RNF38: variants seen among roughly 807,000 people sequenced by gnomAD.
RNF38 encodes ring finger protein 38, also known as E3 ubiquitin-protein ligase RNF38.
RNF38 carries 15 observed loss-of-function variants against 67.2 expected under a neutral mutation model. The observed-to-expected ratio is 0.22, with a 90% CI of 0.15 to 0.34. The LOEUF (loss-of-function observed/expected upper bound fraction) is 0.34, where lower values mean the gene tolerates loss of function less well. Among genes scored for constraint, RNF38 ranks in the 10% least tolerant of loss-of-function variants. The probability of loss-of-function intolerance (pLI) is 1.00; values close to 1 mark genes in which losing one functional copy is unlikely to be tolerated. For synonymous variants in RNF38, 220 were observed against 218.8 expected (o/e 1.01, Z -0.05); for missense variants, 524 against 639.9 (o/e 0.82, Z 1.95).
chr9:36,342,170 T>C (rs530134783), intron 11 of RNF38, among the ~76,000 whole-genome samples, 155 bp downstream of exon 11: 85 of 30,354 alleles, frequency 2.8e-3, no homozygotes, highest in Admixed American at 0.011. Context: ...TGCAGTTAAT[T>C]TTTACTGGCC....
In RNF38 at chr9:36,441,142, T is replaced by C. The variant is rs1282574679; in HGVS notation, n.242-16459A>G. ...AGAAAAAGCTCAATGGAAAAGAACA[T>C]ACCTTTTTCTATTTTGTAATGTACT... is the stretch of plus-strand genomic sequence containing the variant. On this transcript the variant is annotated intron_variant and non_coding_transcript_variant, in intron 1 of 3. Coordinates refer to the RNF38 transcript ENST00000488058. 2.0e-5 allele frequency among the ~76,000 whole-genome samples: 3 copies of C among 152,086 alleles called. No individual in the cohort carries two copies. In the East Asian group the frequency reaches 5.8e-4, roughly 29 times the overall value.
At chr9:36,361,298 C>G (rs531134228) in intron 4 of RNF38, among the ~76,000 whole-genome samples, 5 of 151,940 alleles carry the variant, frequency 3.3e-5, no homozygotes, top group African/African-American at 9.7e-5. Flanking sequence ...ACTACAGGTG[C>G]CTGCCACCAT....
intron 2 of RNF38, among the ~76,000 whole-genome samples, chr9:36,412,843 C>T (rs950905336): frequency 1.3e-5 from 2 of 151,874 alleles, no homozygotes; most frequent in Admixed American, 6.6e-5. Context: ...GAGGCCAAGG[C>T]GGGTGGATCA....
intron 11 of RNF38, among the ~76,000 whole-genome samples, chr9:36,340,505 T>C (rs1832759585): frequency 6.6e-6 from 1 of 152,164 alleles, no homozygotes; most frequent in South Asian, 2.1e-4. Flanking sequence ...TGCTTCAGCT[T>C]CCTGAAAACC....
At chr9:36,361,273 T>TCC (rs775145340) in intron 4 of RNF38, among the ~76,000 whole-genome samples, 3 of 152,028 alleles carry the variant, frequency 2.0e-5, no homozygotes, top group Admixed American at 6.6e-5. Context: ...TACCTCAGCC[T>TCC]CCCGAGTACC....
intron 1 of RNF38, among the ~76,000 whole-genome samples, chr9:36,455,114 C>A (rs1004028972): frequency 1.3e-5 from 2 of 151,300 alleles, no homozygotes; most frequent in Non-Finnish European, 2.9e-5. Flanking sequence ...GTGCAGAGTG[C>A]GGTGGTGCGA....
At chr9:36,429,214 T>G (rs1411370755) in intron 1 of RNF38, among the ~76,000 whole-genome samples, 1 of 152,224 alleles carries the variant, frequency 6.6e-6, no homozygotes, top group Non-Finnish European at 1.5e-5. Flanking sequence ...TGAAATGGAT[T>G]ATGATGAAAA....
Position 36,353,254 on chromosome 9 carries a change from T to C in RNF38, c.987A>G (p.Ser329=), listed in dbSNP as rs751894080. Residue 329 remains serine, a synonymous_variant, in exon 7 of 12, where the codon TCA becomes TCG. Transcript: ENST00000259605. The stretch of plus-strand genomic sequence containing the variant: ...ATGGAGGTAATGTTGGGGGGTGGGC[T>C]GATGGAGGGTAAGTAAAACCTCCTA... ...LPVGGFTYPP[S]AHPPTLPPSA... 4.3e-6 allele frequency: 7 copies of C among 1,613,296 alleles called. No homozygotes were observed. In the African/African-American group the frequency reaches 9.3e-5, roughly 22 times the overall value.
chr9:36,461,055 AAATAC>A (rs1447357553), intron 1 of RNF38, among the ~76,000 whole-genome samples: 1 of 152,146 alleles, frequency 6.6e-6, no homozygotes, highest in Admixed American at 6.6e-5. Flanking sequence ...ATCTACTAAA[AAATAC>A]AATAATTAGC....
chr9:36,451,492 T>G lies in RNF38; in HGVS notation n.242-26809A>C, dbSNP rs10972910. ...AAAGAAGAAAAAAAAATTGTAGTAG[T>G]TTTTTTTTTTTTTTTTTTTTTTTTT... On this transcript the variant is annotated intron_variant and non_coding_transcript_variant, in intron 1 of 3. Coordinates refer to the RNF38 transcript ENST00000488058. 3.2e-3 allele frequency among the ~76,000 whole-genome samples: 95 copies of G among 29,232 alleles called. 1 individual carries two copies. In the East Asian group the frequency reaches 0.17, roughly 53 times the overall value. The allele number at this position is 29,232 out of a possible 152,430, so 19.2% of individuals were successfully genotyped here.
At position 36,486,939 on chromosome 9, in the gene RNF38, T is replaced by C. The variant is rs763632211; in HGVS notation, n.241+369A>G. Among the ~76,000 whole-genome samples the C allele has an allele frequency of 7.3e-5, 11 of 151,658 alleles. 1 individual carries two copies. The Middle Eastern group carries it at 0.031, about 422-fold the overall frequency. Reference sequence around the variant, plus strand: ...TCGACCTCTTCCCAGCCCCCTCTGCTCGGGGCCCGCGCCGGCCCAGGGTGG... The same window carrying C: ...TCGACCTCTTCCCAGCCCCCTCTGCCCGGGGCCCGCGCCGGCCCAGGGTGG... On this transcript the variant is annotated intron_variant and non_coding_transcript_variant, in intron 1 of 3. Transcript: ENST00000488058.
chr9:36,434,678 C>T (rs532445375), intron 1 of RNF38, among the ~76,000 whole-genome samples: 1 of 152,132 alleles, frequency 6.6e-6, no homozygotes, highest in African/African-American at 2.4e-5. Flanking sequence ...CATGAGCCAC[C>T]GTGCCCAGCC....
intron 11 of RNF38, among the ~76,000 whole-genome samples, chr9:36,341,196 C>T (rs1832798017): frequency 6.6e-6 from 1 of 152,208 alleles, no homozygotes; most frequent in Admixed American, 6.5e-5. Flanking sequence ...CTCTTCCTCA[C>T]ATTCCAACTA....
chr9:36,368,097 G>A lies in RNF38; in HGVS notation c.570+1622C>T, dbSNP rs889681545. Among the ~76,000 whole-genome samples the A allele has an allele frequency of 7.2e-5, 11 of 152,232 alleles. No individual in the cohort carries two copies. In the East Asian group the frequency reaches 1.7e-3, roughly 24 times the overall value. ...CAAACTCCTGGGCCTCAGGTGATCCGCCTGCTTCAGACTCCCAAAGTGCTG... is the reference window on the plus strand; with the variant it reads ...CAAACTCCTGGGCCTCAGGTGATCCACCTGCTTCAGACTCCCAAAGTGCTG... On this transcript the variant is annotated intron_variant, in intron 4 of 11. Coordinates refer to ENST00000259605, the MANE Select transcript of RNF38 (RefSeq NM_022781.5).
At chr9:36,344,524 C>T (rs1366438880) in intron 10 of RNF38, among the ~76,000 whole-genome samples, 1 of 152,072 alleles carries the variant, frequency 6.6e-6, no homozygotes, top group Non-Finnish European at 1.5e-5. Context: ...CCAGAACAGC[C>T]CTAACAGAAC....
At chr9:36,391,736 G>C (rs1041326477) in intron 1 of RNF38, among the ~76,000 whole-genome samples, 4 of 150,642 alleles carry the variant, frequency 2.7e-5, no homozygotes, top group African/African-American at 9.8e-5. Flanking sequence ...GCCTCAGCCT[G>C]CAGAGTAGCT....
chr9:36,356,170 A>G (rs1834091338), intron 6 of RNF38, 133 bp downstream of exon 6: 1 of 852,674 alleles, frequency 1.2e-6, no homozygotes, highest in Non-Finnish European at 1.8e-6. Context: ...TAAGCATGCC[A>G]TTTAAACATA....
At chr9:36,405,853 CAAT>C (rs1421744230), upstream of RNF38, among the ~76,000 whole-genome samples, 1 of 152,140 alleles carries the variant, frequency 6.6e-6, no homozygotes, top group Non-Finnish European at 1.5e-5. Context: ...ACACACTAAA[CAAT>C]AATCATAAAC....
chr9:36,416,755 T>TTTTTTTG (rs1263622109), intron 2 of RNF38, among the ~76,000 whole-genome samples: 3 of 136,546 alleles, frequency 2.2e-5, no homozygotes, highest in African/African-American at 8.3e-5. Context: ...TTTTTTTTTT[T>TTTTTTTG]TTTTTTTTTT....
Sources: allele counts gnomAD v4.1 joint callset (sites outside exome capture counted in the v4.1 genomes callset), GRCh38; gene constraint gnomAD v4.1.1; transcripts MANE v1.5; gene names NCBI Gene and HGNC (gene_info 2026-07-23, HGNC 2026-07-21).